RGS3: variants seen among roughly 807,000 people sequenced by gnomAD.
The protein encoded by RGS3 is regulator of G-protein signalling 3.
RGS3 carries 80 observed loss-of-function variants against 132.6 expected under a neutral mutation model. The observed-to-expected ratio is 0.60, with a 90% CI of 0.50 to 0.73. The LOEUF (loss-of-function observed/expected upper bound fraction) is 0.73, where lower values mean the gene tolerates loss of function less well. Ranked by LOEUF, RGS3 falls within the 30% of genes least tolerant of loss-of-function variation. The pLI is 0.00. For synonymous variants in RGS3, 598 were observed against 620.6 expected, an observed-to-expected ratio of 0.96 and a Z score of 0.54; for missense variants, 1,382 against 1,530.8, an observed-to-expected ratio of 0.90 and a Z score of 1.62.
At chr9:113,497,959 GT>G in intron 9 of RGS3, 65 bp from the exon 8 acceptor site, 1 of 1,530,136 alleles carries the variant, frequency 6.5e-7, no homozygotes, top group African/African-American at 1.4e-5. Context: ...TGTCCTCTGG[GT>G]GGTCCGAGGA....
At chr9:113,499,542 A>G (rs1402890100) in intron 10 of RGS3, among the ~76,000 whole-genome samples, 4 of 152,258 alleles carry the variant, frequency 2.6e-5, no homozygotes, top group Non-Finnish European at 5.9e-5. Context: ...CGTATTACAC[A>G]ATATCGGCGT....
intron 21 of RGS3, chr9:113,593,112 G>C (rs1835531781): frequency 6.6e-6 from 1 of 152,174 alleles, no homozygotes; most frequent in Non-Finnish European, 1.5e-5. Context: ...TAGGAAACTT[G>C]AGAGATCAGG....
chr9:113,482,033 C>T (rs1413557629), intron 4 of RGS3, among the ~76,000 whole-genome samples: 11 of 146,068 alleles, frequency 7.5e-5, no homozygotes, highest in South Asian at 2.2e-4. Flanking sequence ...GCAACAAGTG[C>T]GAAACTCCAT....
At position 113,501,546 on chromosome 9, in the gene RGS3, T is replaced by A. The variant is rs548589725; in HGVS notation, c.897+3466T>A. On this transcript the variant is annotated intron_variant, in intron 10 of 24. Coordinates refer to ENST00000350696, the Ensembl canonical transcript of RGS3. ...CTGCTGGGGGAGAGCTGGGTTTTCA[T>A]GGGGCGGCAGCCGAGGCAGGACCCG... The A allele has an allele frequency of 5.8e-6, 9 of 1,538,892 alleles. No homozygotes were observed. The Admixed American group carries it at 5.9e-5, about 10-fold the overall frequency.
exon 20 of RGS3, chr9:113,583,564 C>G (rs749346956): frequency 6.2e-7 from 1 of 1,614,076 alleles, no homozygotes. Flanking sequence ...GGAGCTTCCT[C>G]CAGGACAAGA....
chr9:113,452,787 C>T (rs1284000967), intron 1 of RGS3, among the ~76,000 whole-genome samples: 1 of 149,898 alleles, frequency 6.7e-6, no homozygotes, highest in African/African-American at 2.5e-5. Flanking sequence ...TTCGAGTTCA[C>T]CGATCTTTTT....
chr9:113,467,973 G>C (rs1049154664), intron 3 of RGS3, among the ~76,000 whole-genome samples: 1 of 152,186 alleles, frequency 6.6e-6, no homozygotes, highest in Non-Finnish European at 1.5e-5. Context: ...GCGATCTCCT[G>C]CCTTGGCCTC....
intron 19 of RGS3, among the ~76,000 whole-genome samples, chr9:113,573,260 C>T (rs1001809724): frequency 6.6e-6 from 1 of 152,222 alleles, no homozygotes; most frequent in African/African-American, 2.4e-5. Flanking sequence ...TCCCTCCTTC[C>T]ACCTCTGGCT....
chr9:113,596,561 A>G (rs1047888183), intron 24 of RGS3, among the ~76,000 whole-genome samples: 4 of 152,222 alleles, frequency 2.6e-5, no homozygotes, highest in Non-Finnish European at 5.9e-5. Context: ...TGGTATTTTC[A>G]GCCTTATAAA....
At chr9:113,553,459 A>AAAAAAATATATATAT (rs1426114805) in intron 19 of RGS3, among the ~76,000 whole-genome samples, 4 of 58,692 alleles carry the variant, frequency 6.8e-5, no homozygotes, top group Admixed American at 2.7e-4. Context: ...AAAAAAAAAA[A>AAAAAAATATATATAT]ATATATATAT....
chr9:113,516,852 A>G (rs1048177558), intron 15 of RGS3, among the ~76,000 whole-genome samples: 5 of 152,004 alleles, frequency 3.3e-5, no homozygotes, highest in African/African-American at 7.3e-5. Context: ...CCAGCTTGCT[A>G]TTTGTTTCAT....
In RGS3 at chr9:113,595,600, C is replaced by G; in HGVS notation, c.3246C>G (p.Tyr1082Ter). 1 of 1,613,546 alleles carries G rather than the reference C, an allele frequency of 6.2e-7. No individual in the cohort carries two copies. The highest frequency in any genetic ancestry group is 1.3e-5 in the African/African-American group (1 of 75,032). ...CCCCAGGATCCGTTCTCCTCACAGA[C>G]GGGTTAGCAGTGTTCCAAGCCTTCC... Residue 1082 changes from tyrosine (Y) to a stop codon, truncating the protein, a stop_gained and splice_region_variant, in exon 24 of 25, where the codon TAC becomes TAG. Transcript: ENST00000350696. LOFTEE classifies it high-confidence loss of function.
At chr9:113,501,049 A>G (rs999122941) in intron 10 of RGS3, among the ~76,000 whole-genome samples, 4 of 152,086 alleles carry the variant, frequency 2.6e-5, no homozygotes, top group Admixed American at 2.6e-4. Context: ...CAAATGTTTT[A>G]TGTTCCCTGT....
chr9:113,508,478 G>A (rs1366904843), intron 13 of RGS3, 63 bp from the exon 12 acceptor site: 2 of 1,599,530 alleles, frequency 1.3e-6, no homozygotes, highest in East Asian at 4.5e-5. Context: ...GTGTCCAGCA[G>A]CCTCCTGGGC....
chr9:113,483,052 C>G lies in RGS3; in HGVS notation c.467-7C>G. 1 of 1,614,076 alleles carries G rather than the reference C, an allele frequency of 6.2e-7. No homozygotes were observed. Among genetic ancestry groups the G allele is most frequent in the Non-Finnish European group, 8.5e-7 (1 of 1,180,000 alleles). ...TCATCCACCCCAATGTCTGAATTCT[C>G]TTTTAGTTATAGAAGGTAAAGGCCT... On this transcript the variant is annotated splice_region_variant and splice_polypyrimidine_tract_variant and intron_variant, in intron 4 of 24. Transcript: ENST00000350696.
intron 19 of RGS3, among the ~76,000 whole-genome samples, chr9:113,550,229 G>A (rs141886401): frequency 1.6e-4 from 25 of 152,282 alleles, no homozygotes; most frequent in African/African-American, 5.5e-4. Context: ...CAGGCATGGT[G>A]GCGCATGCCT....
chr9:113,483,208 G>A, intron 5 of RGS3, 91 bp downstream of exon 3: 1 of 904,270 alleles, frequency 1.1e-6, no homozygotes, highest in Non-Finnish European at 1.8e-6. Context: ...TGTGGGGCTG[G>A]TGACCTTTGA....
At chr9:113,523,660 G>A (rs138220517) in intron 17 of RGS3, among the ~76,000 whole-genome samples, 33 of 152,238 alleles carry the variant, frequency 2.2e-4, no homozygotes, top group Admixed American at 6.5e-4. Context: ...CCCTCCACTC[G>A]TGGGAGGGGA....
At chr9:113,560,032 G>A (rs1233006540) in intron 19 of RGS3, among the ~76,000 whole-genome samples, 1 of 152,184 alleles carries the variant, frequency 6.6e-6, no homozygotes, top group Non-Finnish European at 1.5e-5. Flanking sequence ...TACAGATGAG[G>A]AAACTGAGAC....
Sources: gnomAD v4.1 joint callset for allele counts (sites outside exome capture counted in the v4.1 genomes callset) on GRCh38, gnomAD v4.1.1 for gene constraint, MANE v1.5 for transcripts, NCBI Gene and HGNC (gene_info 2026-07-23, HGNC 2026-07-21) for gene names.